Variants in MYH15 observed in about 807,000 individuals in gnomAD.
MYH15 encodes the protein myosin-15.
Under a neutral mutation model 240.5 loss-of-function variants are expected in MYH15, and 227 were observed. The observed-to-expected ratio is 0.94, with a 90% CI of 0.85 to 1.05. The LOEUF is 1.05. Among genes scored for constraint, MYH15 ranks in the 50% least tolerant of loss-of-function variants. The probability of loss-of-function intolerance (pLI) is 0.00; values close to 1 mark genes in which losing one functional copy is unlikely to be tolerated. For synonymous variants in MYH15, 785 were observed against 796.7 expected, an observed-to-expected ratio of 0.99 and a Z score of 0.25; for missense variants, 2,217 against 2,247.5, an observed-to-expected ratio of 0.99 and a Z score of 0.27.
intron 9 of MYH15, among the ~76,000 whole-genome samples, chr3:108,490,739 G>A (rs970800910): frequency 5.3e-5 from 8 of 152,120 alleles, no homozygotes; most frequent in African/African-American, 1.2e-4. Context: ...TGCAAAGAAT[G>A]TTGTCTTTTC....
upstream of MYH15, among the ~76,000 whole-genome samples, chr3:108,531,278 G>C (rs1210743047): frequency 2.0e-5 from 3 of 152,116 alleles, no homozygotes; most frequent in Non-Finnish European, 2.9e-5. Flanking sequence ...CAGAGAAGCC[G>C]GTGGGACCCC....
chr3:108,410,823 C>T lies in MYH15; in HGVS notation c.4255G>A (p.Asp1419Asn), dbSNP rs769342956. ...ACCTTCCCGAGGTCAGACAGGGCGTCCCCGAGCTCCAGCTGCAGCTGGTGC... is the reference window on the plus strand; with the variant it reads ...ACCTTCCCGAGGTCAGACAGGGCGTTCCCGAGCTCCAGCTGCAGCTGGTGC... ...ARHQLQLELG[D>N]ALSDLGKVRS... The change falls in exon 31 of 41, where the codon GAC (aspartate) becomes AAC (asparagine). Residue 1419 changes from aspartate (D) to asparagine (N), a missense_variant. Asp to Asn is a conservative substitution (Grantham distance 23). Transcript: ENST00000693548. 1.9e-5 allele frequency: 31 copies of T among 1,613,928 alleles called. No homozygotes were observed. Among genetic ancestry groups the T allele is most frequent in the Non-Finnish European group, 2.6e-5 (31 of 1,179,898 alleles).
At chr3:108,410,968 A>C (rs767611890) in intron 30 of MYH15, 36 bp from the exon 31 acceptor site, 2 of 1,525,396 alleles carry the variant, frequency 1.3e-6, no homozygotes, top group Non-Finnish European at 8.9e-7. Flanking sequence ...TGAGTGAGGC[A>C]ATAACTCTCA....
chr3:108,517,041 T>C (rs887613422), intron 1 of MYH15, among the ~76,000 whole-genome samples: 3 of 152,180 alleles, frequency 2.0e-5, no homozygotes, highest in African/African-American at 7.2e-5. Context: ...CTAATCCTAC[T>C]CAACCTCTCT....
At position 108,441,072 on chromosome 3, in the gene MYH15, G is replaced by C; in HGVS notation, c.2844C>G (p.Asp948Glu). The change falls in exon 23 of 41, where the codon GAC becomes GAG. Residue 948 changes from aspartate (D) to glutamate (E), a missense_variant. Physicochemically the swap from Asp to Glu is conservative, Grantham distance 45. Coordinates refer to ENST00000693548, the MANE Select transcript of MYH15 (RefSeq NM_014981.3). ...ECFELKKEID[D>E]LETMLVKSEK... ...CTGACTTCACCAACATTGTTTCCAG[G>C]TCATCGATTTCTTTCTTCAACTCAA... 6.2e-7 allele frequency: 1 copy of C among 1,614,144 alleles called. No homozygotes were observed. The highest frequency in any genetic ancestry group is 8.5e-7 in the Non-Finnish European group (1 of 1,179,994).
At chr3:108,431,305 G>A (rs1479642991) in intron 25 of MYH15, among the ~76,000 whole-genome samples, 6 of 152,132 alleles carry the variant, frequency 3.9e-5, no homozygotes, top group Non-Finnish European at 7.3e-5. Context: ...GTGTCCACCC[G>A]AATCTCATCT....
intron 35 of MYH15, among the ~76,000 whole-genome samples, chr3:108,394,698 G>C (rs1476815874): frequency 6.6e-6 from 1 of 152,110 alleles, no homozygotes; most frequent in Non-Finnish European, 1.5e-5. Context: ...CAGCCCTTAG[G>C]TACCCTCATT....
chr3:108,427,617 A>C (rs1217942452), intron 27 of MYH15, among the ~76,000 whole-genome samples: 3 of 122,852 alleles, frequency 2.4e-5, no homozygotes, highest in African/African-American at 8.9e-5. Flanking sequence ...ACACACACAC[A>C]ACACACACAC....
intron 35 of MYH15, among the ~76,000 whole-genome samples, chr3:108,396,478 T>C (rs1438269485): frequency 6.6e-6 from 1 of 152,210 alleles, no homozygotes; most frequent in Non-Finnish European, 1.5e-5. Flanking sequence ...GAGAATCTAG[T>C]GCTGCTGCTG....
chr3:108,494,145 C>G (rs1224911720), intron 7 of MYH15, among the ~76,000 whole-genome samples: 5 of 152,194 alleles, frequency 3.3e-5, no homozygotes, highest in Admixed American at 3.3e-4. Context: ...CAGGGCAGGA[C>G]AGCAGCCTGG....
At position 108,510,433 on chromosome 3, in the gene MYH15, C is replaced by G; in HGVS notation, c.88+10G>C. The G allele has an allele frequency of 6.3e-7, 1 of 1,594,950 alleles. No individual in the cohort carries two copies. Among genetic ancestry groups the G allele is most frequent in the African/African-American group, 1.4e-5 (1 of 73,572 alleles). On this transcript the variant is annotated intron_variant, in intron 1 of 40. Coordinates refer to ENST00000693548, the MANE Select transcript of MYH15 (RefSeq NM_014981.3). ...AATAAAGTGAAGCCAGCAACCACCA[C>G]ATGTCTCACCATCCAAGGCTGTGGC...
Position 108,479,554 on chromosome 3 carries a change from G to A in MYH15, c.1115-3039C>T, listed in dbSNP as rs184441358. ...CTGGCAAGTTGTAAAAACAAATACT[G>A]ATGCCTGAAATTCACCCACAGAAAT... On this transcript the variant is annotated intron_variant, in intron 11 of 40. Transcript: ENST00000693548. Among the ~76,000 whole-genome samples, 647 of 152,288 alleles carry A rather than the reference G, an allele frequency of 4.2e-3. 6 individuals carry two copies. The highest frequency in any genetic ancestry group is 0.014 in the African/African-American group (593 of 41,568).
intron 27 of MYH15, among the ~76,000 whole-genome samples, chr3:108,425,467 T>A (rs938934934): frequency 6.6e-6 from 1 of 152,188 alleles, no homozygotes; most frequent in Non-Finnish European, 1.5e-5. Flanking sequence ...ACCACTGCAG[T>A]AATCTACTTA....
At chr3:108,433,356 T>C (rs1576230504) in intron 25 of MYH15, among the ~76,000 whole-genome samples, 1 of 152,354 alleles carries the variant, frequency 6.6e-6, no homozygotes, top group Middle Eastern at 3.4e-3. Flanking sequence ...TCACAGGCTA[T>C]TAGGCAGAAG....
chr3:108,528,023 C>G lies in MYH15; in HGVS notation c.-58+1240G>C, dbSNP rs555532105. 2.6e-5 allele frequency among the ~76,000 whole-genome samples: 4 copies of G among 152,228 alleles called. No individual in the cohort carries two copies. The South Asian group carries it at 8.3e-4, about 32-fold the overall frequency. On this transcript the variant is annotated intron_variant, in intron 1 of 41. Transcript: ENST00000273353. ...CTGAGAAAAAGGTGGATGGGGAACT[C>G]AACTTTTTGTAAGAACCCACTTCCT...
chr3:108,392,807 C>T (rs2082431211), intron 36 of MYH15, among the ~76,000 whole-genome samples: 1 of 152,220 alleles, frequency 6.6e-6, no homozygotes, highest in South Asian at 2.1e-4. Flanking sequence ...TATATGATTG[C>T]ATATGTTTAT....
At chr3:108,429,850 A>G (rs2082763108) in intron 26 of MYH15, among the ~76,000 whole-genome samples, 1 of 152,344 alleles carries the variant, frequency 6.6e-6, no homozygotes, top group Non-Finnish European at 1.5e-5. Context: ...TCAAGTAACC[A>G]TGATCCTCTT....
At chr3:108,403,764 G>A (rs2082526332) in intron 33 of MYH15, among the ~76,000 whole-genome samples, 1 of 151,968 alleles carries the variant, frequency 6.6e-6, no homozygotes, top group African/African-American at 2.4e-5. Flanking sequence ...TCTTTTCTCA[G>A]CTCCTCATGG....
intron 8 of MYH15, among the ~76,000 whole-genome samples, chr3:108,492,834 G>A (rs1260713693): frequency 6.6e-6 from 1 of 151,962 alleles, no homozygotes; most frequent in Non-Finnish European, 1.5e-5. Context: ...GCCTGTAGCT[G>A]CAGCTACTTG....
Sources: allele counts gnomAD v4.1 joint callset (sites outside exome capture counted in the v4.1 genomes callset), GRCh38; gene constraint gnomAD v4.1.1; transcripts MANE v1.5; gene names NCBI Gene and HGNC (gene_info 2026-07-23, HGNC 2026-07-21).